Variants in DCDC1 observed in about 807,000 individuals in gnomAD.
The protein encoded by DCDC1 is doublecortin domain-containing protein 1.
Under a neutral mutation model 178.3 loss-of-function variants are expected in DCDC1, and 200 were observed. That is an observed-to-expected ratio of 1.12 (90% CI 1.00 to 1.26). The LOEUF is 1.26. DCDC1 is among the 50% of genes most tolerant of loss of function. DCDC1 has a pLI of 0.00. For synonymous variants in DCDC1, 690 were observed against 604.8 expected (o/e 1.14, Z -2.07); for missense variants, 1,983 against 1,749.2 (o/e 1.13, Z -2.38).
At chr11:30,935,165 A>G (rs994839398) in intron 21 of DCDC1, among the ~76,000 whole-genome samples, 4 of 152,290 alleles carry the variant, frequency 2.6e-5, no homozygotes, top group Middle Eastern at 3.4e-3. Flanking sequence ...GGCCCCTTGG[A>G]CACATGTAGT....
intron 9 of DCDC1, among the ~76,000 whole-genome samples, chr11:31,151,507 C>T (rs1965165728): frequency 6.6e-6 from 1 of 152,168 alleles, no homozygotes; most frequent in African/African-American, 2.4e-5. Context: ...CTAACCTCTA[C>T]TTCATCTCTA....
chr11:30,908,253 A>G (rs1945212742), intron 29 of DCDC1, among the ~76,000 whole-genome samples: 1 of 152,190 alleles, frequency 6.6e-6, no homozygotes, highest in African/African-American at 2.4e-5. Flanking sequence ...AATTACAACT[A>G]TAGGACTCAA....
At chr11:31,231,024 A>G (rs941340454) in intron 9 of DCDC1, among the ~76,000 whole-genome samples, 2 of 152,064 alleles carry the variant, frequency 1.3e-5, no homozygotes, top group African/African-American at 4.8e-5. Context: ...CAGTGGCACA[A>G]TCACACCTCA....
intron 9 of DCDC1, among the ~76,000 whole-genome samples, chr11:31,138,628 A>G (rs546505203): frequency 6.6e-6 from 1 of 152,326 alleles, no homozygotes; most frequent in South Asian, 2.1e-4. Context: ...GGATTGGAGT[A>G]AAAATGAATA....
At chr11:31,217,801 T>C (rs1405569987) in intron 9 of DCDC1, among the ~76,000 whole-genome samples, 1 of 152,114 alleles carries the variant, frequency 6.6e-6, no homozygotes. Context: ...TTAACAAAAG[T>C]CACTAAAGTA....
At chr11:30,882,008 A>G (rs918212599) in intron 36 of DCDC1, 2 of 153,756 alleles carry the variant, frequency 1.3e-5, no homozygotes, top group African/African-American at 4.8e-5. Flanking sequence ...AAATAATAAA[A>G]GCAAGCAGGA....
intron 20 of DCDC1, among the ~76,000 whole-genome samples, chr11:30,980,406 T>A (rs966174568): frequency 6.6e-6 from 1 of 152,112 alleles, no homozygotes; most frequent in Non-Finnish European, 1.5e-5. Context: ...ATACTTGTTT[T>A]TAGAGACTGG....
At chr11:31,169,445 TA>T (rs1165225829) in intron 9 of DCDC1, among the ~76,000 whole-genome samples, 3 of 151,940 alleles carry the variant, frequency 2.0e-5, no homozygotes, top group African/African-American at 7.3e-5. Context: ...TAAATGAATA[TA>T]AAGGTATAAA....
At position 31,290,627 on chromosome 11, in the gene DCDC1, A is replaced by C. The variant is rs1223790161; in HGVS notation, c.960+20T>G. On this transcript the variant is annotated intron_variant, in intron 7 of 38. Transcript: ENST00000684477. ...AACTTTGAAATTAAATTCATAGTTC[A>C]ATATTTAATTAAAAATTACCTTTTT... 6.3e-7 allele frequency: 1 copy of C among 1,586,920 alleles called. No individual in the cohort carries two copies. The highest frequency in any genetic ancestry group is 1.2e-5 in the South Asian group (1 of 85,656).
At chr11:31,347,072 G>C (rs1316391271) in intron 1 of DCDC1, among the ~76,000 whole-genome samples, 1 of 152,124 alleles carries the variant, frequency 6.6e-6, no homozygotes, top group African/African-American at 2.4e-5. Context: ...GTATTAGAGA[G>C]TACATGAGCA....
intron 38 of DCDC1, among the ~76,000 whole-genome samples, chr11:30,867,337 A>AT (rs1344984484): frequency 2.0e-5 from 3 of 152,226 alleles, no homozygotes; most frequent in Non-Finnish European, 2.9e-5. Flanking sequence ...TTTAGCAAAG[A>AT]TATTTCACTT....
rs11604176 is a variant in DCDC1 at position 31,272,116 on chromosome 11, C to A, written c.961-6516G>T. Among the ~76,000 whole-genome samples the A allele has an allele frequency of 1.0e-3, 156 of 149,850 alleles. 1 individual carries two copies. Among genetic ancestry groups the A allele is most frequent in the African/African-American group, 3.5e-3 (144 of 40,632 alleles). ...GGCGGAGGCTGCAGTGAGCCGAGATCGTGCCATTGCACTCCAGCCTGGTTG... is the reference window on the plus strand; with the variant it reads ...GGCGGAGGCTGCAGTGAGCCGAGATAGTGCCATTGCACTCCAGCCTGGTTG... On this transcript the variant is annotated intron_variant, in intron 7 of 38. Transcript: ENST00000684477.
intron 1 of DCDC1, among the ~76,000 whole-genome samples, chr11:31,338,151 G>A (rs1950363431): frequency 1.3e-5 from 2 of 152,154 alleles, no homozygotes; most frequent in Non-Finnish European, 1.5e-5. Flanking sequence ...TTGCTCCATT[G>A]CTAGAGAAAG....
intron 7 of DCDC1, among the ~76,000 whole-genome samples, chr11:31,268,532 T>A (rs1945331220): frequency 6.6e-6 from 1 of 152,186 alleles, no homozygotes; most frequent in African/African-American, 2.4e-5. Flanking sequence ...GCTGCATCCA[T>A]GTGGCTGCAA....
chr11:30,992,131 A>G (rs552751506), intron 20 of DCDC1, among the ~76,000 whole-genome samples: 1 of 152,316 alleles, frequency 6.6e-6, no homozygotes, highest in South Asian at 2.1e-4. Flanking sequence ...ATAAAATCAT[A>G]CTTCTTCCCA....
chr11:31,090,503 A>G (rs1453133700), intron 17 of DCDC1, among the ~76,000 whole-genome samples: 2 of 152,210 alleles, frequency 1.3e-5, no homozygotes, highest in Non-Finnish European at 2.9e-5. Context: ...TTGTAAGGAT[A>G]AAATTTGACA....
At chr11:31,220,653 CAT>C (rs1298787875) in intron 9 of DCDC1, among the ~76,000 whole-genome samples, 1 of 152,156 alleles carries the variant, frequency 6.6e-6, no homozygotes, top group African/African-American at 2.4e-5. Flanking sequence ...AAAAATTCAA[CAT>C]GTCTGATTTT....
At chr11:31,367,196 A>C (rs1174929088) in intron 1 of DCDC1, among the ~76,000 whole-genome samples, 3 of 152,202 alleles carry the variant, frequency 2.0e-5, no homozygotes, top group Admixed American at 2.0e-4. Flanking sequence ...CTACTTGGGA[A>C]TCTGAGGTGG....
At chr11:30,881,856 A>G (rs1203670771) in intron 36 of DCDC1, among the ~76,000 whole-genome samples, 1 of 152,020 alleles carries the variant, frequency 6.6e-6, no homozygotes, top group African/African-American at 2.4e-5. Flanking sequence ...AGGCCTTATT[A>G]AACTTCTCTC....
Sources: gnomAD v4.1 joint callset for allele counts (sites outside exome capture counted in the v4.1 genomes callset) on GRCh38, gnomAD v4.1.1 for gene constraint, MANE v1.5 for transcripts, NCBI Gene and HGNC (gene_info 2026-07-23, HGNC 2026-07-21) for gene names.